The following SINHCAF variants were observed in gnomAD, a reference collection of about 807,000 sequenced individuals.
SINHCAF encodes the protein SIN3-HDAC complex-associated factor.
A neutral mutation model predicts 25.8 loss-of-function variants in SINHCAF; 3 were observed. The observed-to-expected ratio is 0.12, with a 90% CI of 0.05 to 0.30. SINHCAF has a LOEUF of 0.30. SINHCAF is among the 10% of genes least tolerant of loss of function. The pLI, the probability that SINHCAF is intolerant of heterozygous loss-of-function variation, is 1.00. For synonymous variants in SINHCAF, 70 were observed against 85.5 expected (o/e 0.82, Z 1.00); for missense variants, 121 against 262.3 (o/e 0.46, Z 3.72).
In SINHCAF at chr12:31,281,101, T is replaced by C. The variant is rs566688714; in HGVS notation, c.*1611A>G. 1.2e-3 allele frequency: 181 copies of C among 152,328 alleles called. 2 individuals carry two copies. Among genetic ancestry groups the C allele is most frequent in the Admixed American group, 0.012 (178 of 15,298 alleles). 9.4% of individuals were successfully genotyped at this position (152,328 alleles called of 1,614,324 possible). On this transcript the variant is annotated 3_prime_UTR_variant, in exon 6 of 6. Coordinates refer to ENST00000337682, the MANE Select transcript of SINHCAF (RefSeq NM_001135812.2). ...TTATTATACTATCCAATTTTTAAAA[T>C]GCAGTTTAAAAAATAAGCACTGAGT...
intron 5 of SINHCAF, among the ~76,000 whole-genome samples, chr12:31,286,293 T>A (rs1005369490): frequency 4.6e-5 from 7 of 151,962 alleles, no homozygotes; most frequent in African/African-American, 7.3e-5. Context: ...TTTTTTTTTT[T>A]AAACCTTAAA....
intron 1 of SINHCAF, among the ~76,000 whole-genome samples, chr12:31,313,921 C>T (rs1258679449): frequency 6.6e-6 from 1 of 152,152 alleles, no homozygotes; most frequent in African/African-American, 2.4e-5. Context: ...TCCCAAAGTG[C>T]TGGGATTACA....
At chr12:31,284,388 T>G (rs1378362858) in intron 5 of SINHCAF, among the ~76,000 whole-genome samples, 4 of 152,220 alleles carry the variant, frequency 2.6e-5, no homozygotes, top group Non-Finnish European at 5.9e-5. Flanking sequence ...TTTCTTCCAT[T>G]GTAGGAGTTG....
intron 4 of SINHCAF, among the ~76,000 whole-genome samples, chr12:31,289,261 G>A (rs983725717): frequency 4.6e-5 from 7 of 152,168 alleles, no homozygotes; most frequent in African/African-American, 1.7e-4. Context: ...TATAGTGGCT[G>A]AAAACTTGTG....
At chr12:31,307,117 G>GTGGC (rs1939059121) in intron 1 of SINHCAF, among the ~76,000 whole-genome samples, 1 of 152,202 alleles carries the variant, frequency 6.6e-6, no homozygotes, top group South Asian at 2.1e-4. Context: ...GCCTGGTGCA[G>GTGGC]TGGCTCATGC....
In SINHCAF at chr12:31,287,551, C is replaced by T. The variant is rs1039852600; in HGVS notation, c.506+83G>A. On this transcript the variant is annotated intron_variant, in intron 5 of 5. Transcript: ENST00000337682. ...TGTGTTACCAACTGTTTGCCAAATG[C>T]CATTTAATTGCTAAGGAAGTAGAAA... 8 of 1,099,536 alleles carry T rather than the reference C, an allele frequency of 7.3e-6. No individual in the cohort carries two copies. The South Asian group carries it at 1.7e-4, about 24-fold the overall frequency. 68.1% of individuals were successfully genotyped at this position (1,099,536 alleles called of 1,614,324 possible).
rs1322263706 is a variant in SINHCAF at position 31,281,372 on chromosome 12, G to T, written c.*1340C>A. 1 of 152,122 alleles carries T rather than the reference G, an allele frequency of 6.6e-6. No homozygotes were observed. The highest frequency in any genetic ancestry group is 2.4e-5 in the African/African-American group (1 of 41,432). 9.4% of individuals were successfully genotyped at this position (152,122 alleles called of 1,614,324 possible). On this transcript the variant is annotated 3_prime_UTR_variant, in exon 6 of 6. Transcript: ENST00000337682. ...GTGAACACAAACCTCTTTTCTTTTAGTAAGTTTTACTTTTAATACAGAGTG... is the reference window on the plus strand; with the variant it reads ...GTGAACACAAACCTCTTTTCTTTTATTAAGTTTTACTTTTAATACAGAGTG...
rs562293835 is a variant in SINHCAF at position 31,324,889 on chromosome 12, C to A, written c.-21+1135G>T. ...CCGCCCCGCACGGGCGGAGAGTTGG[C>A]GACTTTCACTCTGCTTTTTAAACTG... On this transcript the variant is annotated intron_variant, in intron 1 of 5. Transcript: ENST00000337682. The surrounding 1 kb of genome is among the most constrained non-coding windows in gnomAD (Gnocchi z 5.5). 18 of 443,666 alleles carry A rather than the reference C, an allele frequency of 4.1e-5. No individual in the cohort carries two copies. The highest frequency in any genetic ancestry group is 3.2e-4 in the African/African-American group (16 of 49,902). 27.5% of individuals were successfully genotyped at this position (443,666 alleles called of 1,614,324 possible). A position where few individuals can be genotyped will look rare whatever the true frequency, so the allele number is the denominator to read the frequency against.
intron 4 of SINHCAF, among the ~76,000 whole-genome samples, chr12:31,288,316 C>T (rs1372830731): frequency 6.6e-6 from 1 of 152,200 alleles, no homozygotes; most frequent in Non-Finnish European, 1.5e-5. Context: ...TGAACACTAA[C>T]CTTCCTGTTC....
intron 5 of SINHCAF, among the ~76,000 whole-genome samples, chr12:31,285,699 G>A (rs950898124): frequency 1.3e-5 from 2 of 152,050 alleles, no homozygotes; most frequent in African/African-American, 4.8e-5. Context: ...AATAAGGCCA[G>A]GTGCAGTAAC....
In SINHCAF at chr12:31,325,219, A is replaced by T. The variant is rs538899163; in HGVS notation, c.-21+805T>A. On this transcript the variant is annotated intron_variant, in intron 1 of 5. Transcript: ENST00000337682. This position sits in a 1 kb window ranked among gnomAD's most constrained non-coding sequence, Gnocchi z 5.9. ...GTCGCCCACACCTACGCTACAGGTG[A>T]ACGCACCGGGAGCAAAACTTCGGGC... 2.4e-5 allele frequency: 11 copies of T among 456,798 alleles called. No homozygotes were observed. In the East Asian group the frequency reaches 6.9e-4, roughly 29 times the overall value. The allele number at this position is 456,798 out of a possible 1,614,324, so 28.3% of individuals were successfully genotyped here.
intron 2 of SINHCAF, among the ~76,000 whole-genome samples, chr12:31,296,013 T>C (rs1032924312): frequency 6.6e-6 from 1 of 152,036 alleles, no homozygotes; most frequent in Non-Finnish European, 1.5e-5. Context: ...AGACCCCATC[T>C]CTACTTTAAA....
rs758899779 is a variant in SINHCAF at position 31,295,341 on chromosome 12, G to C, written c.129-8C>G. 1 of 1,574,564 alleles carries C rather than the reference G, an allele frequency of 6.4e-7. No individual in the cohort carries two copies. The highest frequency in any genetic ancestry group is 8.7e-7 in the Non-Finnish European group (1 of 1,148,554). ...GAACGAGTCTCATGCAATCTGATAA[G>C]AAAACAATCAAACCTTTATCAGTCT... On this transcript the variant is annotated splice_polypyrimidine_tract_variant and splice_region_variant and intron_variant, in intron 2 of 5. Transcript: ENST00000337682.
chr12:31,295,994 A>G (rs1368957279), intron 2 of SINHCAF, among the ~76,000 whole-genome samples: 1 of 152,120 alleles, frequency 6.6e-6, no homozygotes, highest in Non-Finnish European at 1.5e-5. Context: ...CAGCCTGGGC[A>G]ACACAAGGAG....
chr12:31,315,242 G>C (rs1232771408), intron 1 of SINHCAF, among the ~76,000 whole-genome samples: 1 of 152,154 alleles, frequency 6.6e-6, no homozygotes, highest in Admixed American at 6.5e-5. Flanking sequence ...GTAAATATGT[G>C]GTTGAGTGGG....
intron 1 of SINHCAF, among the ~76,000 whole-genome samples, chr12:31,317,279 A>G (rs920834876): frequency 6.6e-6 from 1 of 152,166 alleles, no homozygotes; most frequent in Non-Finnish European, 1.5e-5. Context: ...CCAATAAACC[A>G]AAACCCTAGC....
intron 1 of SINHCAF, chr12:31,303,199 A>T (rs1434945241): frequency 1.0e-6 from 1 of 985,340 alleles, no homozygotes; most frequent in Non-Finnish European, 1.2e-6. Flanking sequence ...TATTTAGAAG[A>T]GGCTGTGTCA....
chr12:31,296,261 G>A (rs1339546179), intron 2 of SINHCAF, among the ~76,000 whole-genome samples: 1 of 152,024 alleles, frequency 6.6e-6, no homozygotes, highest in East Asian at 1.9e-4. Context: ...AACTTCCCAG[G>A]TTCAAGTGAT....
chr12:31,300,011 C>T (rs1434264297), intron 1 of SINHCAF, among the ~76,000 whole-genome samples: 1 of 152,226 alleles, frequency 6.6e-6, no homozygotes, highest in Admixed American at 6.5e-5. Context: ...GGACCACCAT[C>T]ATATATGCAG....
Sources: allele counts gnomAD v4.1 joint callset (sites outside exome capture counted in the v4.1 genomes callset), GRCh38; gene constraint gnomAD v4.1.1; non-coding constraint Gnocchi (gnomAD v3.1); transcripts MANE v1.5; gene names NCBI Gene and HGNC (gene_info 2026-07-23, HGNC 2026-07-21).